Variants in MAP2K5 observed in about 807,000 individuals in gnomAD.
MAP2K5 encodes mitogen-activated protein kinase kinase 5, also known as dual specificity mitogen-activated protein kinase kinase 5.
A neutral mutation model predicts 83.1 loss-of-function variants in MAP2K5; 49 were observed. The observed-to-expected ratio is 0.59, with a 90% CI of 0.47 to 0.75. The LOEUF is 0.75. Ranked by LOEUF, MAP2K5 falls within the 30% of genes least tolerant of loss-of-function variation. The pLI is 0.00. For synonymous variants in MAP2K5, 202 were observed against 191.8 expected (o/e 1.05, Z -0.44); for missense variants, 457 against 557.5 (o/e 0.82, Z 1.82).
chr15:67,586,078 A>T (rs2085282914), intron 5 of MAP2K5, 148 bp downstream of exon 5: 1 of 711,874 alleles, frequency 1.4e-6, no homozygotes, highest in African/African-American at 1.8e-5. Flanking sequence ...AGGGGGATTC[A>T]TCTGTAGTAT....
In MAP2K5 at chr15:67,777,510, T is replaced by A. The variant is rs1309624342; in HGVS notation, c.1242+4758T>A. ...GATCTGATTCCCATTCTCCCCCTCCTTTGTAGCATGCACTTCGGCTGTGGT... is the reference window on the plus strand; with the variant it reads ...GATCTGATTCCCATTCTCCCCCTCCATTGTAGCATGCACTTCGGCTGTGGT... On this transcript the variant is annotated intron_variant, in intron 21 of 21. Coordinates refer to ENST00000178640, the MANE Select transcript of MAP2K5 (RefSeq NM_145160.3). The surrounding 1 kb of genome is among the most constrained non-coding windows in gnomAD (Gnocchi z 6.0). 6.6e-6 allele frequency among the ~76,000 whole-genome samples: 1 copy of A among 152,196 alleles called. No individual in the cohort carries two copies. The highest frequency in any genetic ancestry group is 2.4e-5 in the African/African-American group (1 of 41,450).
intron 16 of MAP2K5, among the ~76,000 whole-genome samples, chr15:67,709,927 G>A (rs192566483): frequency 2.6e-5 from 4 of 152,290 alleles, no homozygotes. Context: ...ACAAATACAT[G>A]TTCTGGTTTG....
At chr15:67,660,165 A>G (rs1227133664) in intron 12 of MAP2K5, among the ~76,000 whole-genome samples, 1 of 128,204 alleles carries the variant, frequency 7.8e-6, no homozygotes, top group Non-Finnish European at 1.7e-5. Flanking sequence ...AAAACTACTT[A>G]CAGCTGGAGT....
intron 8 of MAP2K5, chr15:67,628,715 A>C: frequency 1.2e-6 from 1 of 811,272 alleles, no homozygotes; most frequent in Non-Finnish European, 2.2e-6. Flanking sequence ...AGCCCTGTTA[A>C]AGCAAGAGAT....
At chr15:67,714,394 A>C (rs1359565283) in intron 16 of MAP2K5, among the ~76,000 whole-genome samples, 15 of 107,832 alleles carry the variant, frequency 1.4e-4, no homozygotes, top group African/African-American at 5.5e-4. Context: ...TTTTCCCCCC[A>C]CCCCTACCCA....
At chr15:67,635,090 C>T (rs2086570153) in intron 9 of MAP2K5, among the ~76,000 whole-genome samples, 1 of 152,044 alleles carries the variant, frequency 6.6e-6, no homozygotes, top group South Asian at 2.1e-4. Context: ...ATTTTCATTT[C>T]CCTCATCCCA....
intron 16 of MAP2K5, among the ~76,000 whole-genome samples, chr15:67,715,007 A>G (rs2088795334): frequency 6.6e-6 from 1 of 152,210 alleles, no homozygotes. Context: ...GGACCATCAA[A>G]AGGTGAAAGG....
chr15:67,612,741 A>G (rs1487965568), intron 8 of MAP2K5, among the ~76,000 whole-genome samples: 1 of 152,202 alleles, frequency 6.6e-6, no homozygotes, highest in Non-Finnish European at 1.5e-5. Flanking sequence ...TCTTTGCAGA[A>G]TGGTAGCTGC....
rs183549401 is a variant in MAP2K5, at chr15:67,775,022, C to G, written c.1242+2270C>G. On this transcript the variant is annotated intron_variant, in intron 21 of 21. Coordinates refer to ENST00000178640, the MANE Select transcript of MAP2K5 (RefSeq NM_145160.3). This position sits in a 1 kb window ranked among gnomAD's most constrained non-coding sequence, Gnocchi z 5.3. ...ACCTTGACCAGCGAACACAGCAAGT[C>G]TCAGCCTAAGTAAATCAGAATGTAG... 1.9e-3 allele frequency among the ~76,000 whole-genome samples: 297 copies of G among 152,328 alleles called. No homozygotes were observed. Among genetic ancestry groups the G allele is most frequent in the Non-Finnish European group, 2.3e-3 (158 of 68,024 alleles).
At chr15:67,771,937 A>G (rs1010422256) in intron 20 of MAP2K5, among the ~76,000 whole-genome samples, 3 of 152,218 alleles carry the variant, frequency 2.0e-5, no homozygotes, top group African/African-American at 7.2e-5. Flanking sequence ...ACAGCCATCA[A>G]GTAGGCAGCT....
chr15:67,756,360 A>C (rs992879940), intron 19 of MAP2K5, among the ~76,000 whole-genome samples: 3 of 152,242 alleles, frequency 2.0e-5, no homozygotes, highest in African/African-American at 7.2e-5. Flanking sequence ...TGTGCCTTGT[A>C]GAATGTGAAA....
intron 8 of MAP2K5, among the ~76,000 whole-genome samples, chr15:67,612,587 C>T (rs941023775): frequency 6.6e-6 from 1 of 152,090 alleles, no homozygotes; most frequent in Non-Finnish European, 1.5e-5. Flanking sequence ...TAGTTTGTGT[C>T]GTTCAGTTTT....
chr15:67,792,230 C>A (rs1378551430), intron 21 of MAP2K5, among the ~76,000 whole-genome samples: 2 of 152,192 alleles, frequency 1.3e-5, no homozygotes, highest in African/African-American at 4.8e-5. Flanking sequence ...AAAGACTGGA[C>A]CTTCTGGCTC....
chr15:67,758,075 G>A lies in MAP2K5; in HGVS notation c.1134+9474G>A, dbSNP rs955808284. Among the ~76,000 whole-genome samples, 5 of 152,186 alleles carry A rather than the reference G, an allele frequency of 3.3e-5. No individual in the cohort carries two copies. Among genetic ancestry groups the A allele is most frequent in the African/African-American group, 9.7e-5 (4 of 41,438 alleles). ...CCCCATGCTTAGAGGTATTTGTAGG[G>A]GAGGGAGGATGGGGAGACTGAAAGA... On this transcript the variant is annotated intron_variant, in intron 19 of 21. Transcript: ENST00000178640. The surrounding 1 kb of genome is among the most constrained non-coding windows in gnomAD (Gnocchi z 4.7).
intron 9 of MAP2K5, chr15:67,641,777 G>A (rs960960021): frequency 7.8e-5 from 19 of 243,254 alleles, no homozygotes; most frequent in Admixed American, 4.6e-4. Context: ...CAGGGAGTCC[G>A]TACTTTCCTT....
chr15:67,753,463 A>G (rs1285194553), intron 19 of MAP2K5, among the ~76,000 whole-genome samples: 1 of 152,338 alleles, frequency 6.6e-6, no homozygotes, highest in African/African-American at 2.4e-5. Flanking sequence ...GGTATTCAGA[A>G]TATATAAAGA....
Position 67,769,254 on chromosome 15 carries a change from C to A in MAP2K5, c.1135-348C>A, listed in dbSNP as rs1392530839. 6.6e-6 allele frequency among the ~76,000 whole-genome samples: 1 copy of A among 152,188 alleles called. No individual in the cohort carries two copies. The highest frequency in any genetic ancestry group is 2.4e-5 in the African/African-American group (1 of 41,448). ...AAAGGTCAACACAAGAATAATTTCA[C>A]AGCTCTTTGTTAATTACAAGACCAT... On this transcript the variant is annotated intron_variant, in intron 19 of 21. Coordinates refer to ENST00000178640, the MANE Select transcript of MAP2K5 (RefSeq NM_145160.3). The surrounding 1 kb of genome is among the most constrained non-coding windows in gnomAD (Gnocchi z 5.2).
At chr15:67,693,482 C>A (rs369082688) in intron 14 of MAP2K5, 36 bp from the exon 15 acceptor site, 1 of 1,538,380 alleles carries the variant, frequency 6.5e-7, no homozygotes, top group Admixed American at 1.8e-5. Context: ...TCCACATTAT[C>A]TTTATATTGT....
chr15:67,589,526 A>G (rs2085353442), intron 6 of MAP2K5, among the ~76,000 whole-genome samples: 1 of 152,204 alleles, frequency 6.6e-6, no homozygotes, highest in South Asian at 2.1e-4. Flanking sequence ...CCATCTATCT[A>G]CTGCTGGTGT....
Sources: gnomAD v4.1 joint callset for allele counts (sites outside exome capture counted in the v4.1 genomes callset) on GRCh38, gnomAD v4.1.1 for gene constraint, Gnocchi (gnomAD v3.1) non-coding constraint, MANE v1.5 for transcripts, NCBI Gene and HGNC (gene_info 2026-07-23, HGNC 2026-07-21) for gene names.